The following TMEM192 variants were observed in gnomAD, a reference collection of about 807,000 sequenced individuals.
TMEM192 encodes the protein transmembrane protein 192.
Under a neutral mutation model 26.7 loss-of-function variants are expected in TMEM192, and 20 were observed. That is an observed-to-expected ratio of 0.75 (90% CI 0.53 to 1.09). The LOEUF (loss-of-function observed/expected upper bound fraction) is 1.09. Among genes scored for constraint, TMEM192 ranks in the 50% least tolerant of loss-of-function variants. The probability of loss-of-function intolerance (pLI) is 0.00; values close to 1 mark genes in which losing one functional copy is unlikely to be tolerated. For missense variants in TMEM192, 304 were observed against 322.6 expected, an observed-to-expected ratio of 0.94 and a Z score of 0.44; for synonymous variants, 124 against 121.0, an observed-to-expected ratio of 1.02 and a Z score of -0.16.
At position 165,097,493 on chromosome 4, in the gene TMEM192, CA is replaced by C. The variant is rs60822491; in HGVS notation, c.439+3134del. On this transcript the variant is annotated intron_variant, in intron 3 of 5. Transcript: ENST00000306480. ...TGGGTGACAGAGCGAGACTCCATCT[CA>C]AAAAAAAAAAAAAAAAGAAAAAAGA... Among the ~76,000 whole-genome samples, 75 of 59,012 alleles carry C rather than the reference CA, an allele frequency of 1.3e-3. No individual in the cohort carries two copies. In the East Asian group the frequency reaches 0.013, roughly 10 times the overall value. The allele number at this position is 59,012 out of a possible 152,430, so 38.7% of individuals were successfully genotyped here.
intron 3 of TMEM192, among the ~76,000 whole-genome samples, chr4:165,090,743 A>G (rs1159231070): frequency 6.6e-6 from 1 of 151,700 alleles, no homozygotes; most frequent in African/African-American, 2.4e-5. Context: ...TGTCTCCACT[A>G]AAAATACAAA....
chr4:165,112,243 C>T (rs1279525051), intron 1 of TMEM192, among the ~76,000 whole-genome samples: 1 of 152,212 alleles, frequency 6.6e-6, no homozygotes, highest in African/African-American at 2.4e-5. Context: ...CGCTGGCGCC[C>T]GGCCCGAGCG....
rs753092026 is a variant in TMEM192, at chr4:165,100,758, C to T, written c.309G>A (p.Leu103=). ...ATTCAAGGAGTAAATGGAGAATCCA[C>T]AAAATAACTTTCCCAAGGATTATAA... The part of the protein sequence containing the change: ...QTVIILGKVI[L]WILHLLLECY... Residue 103 remains leucine (L), a synonymous_variant, in exon 3 of 6, where the codon TTG becomes TTA. Transcript: ENST00000306480. 1.9e-6 allele frequency: 3 copies of T among 1,613,990 alleles called. No homozygotes were observed. The highest frequency in any genetic ancestry group is 2.2e-5 in the South Asian group (2 of 91,080).
At chr4:165,084,391 G>A (rs1458456061) in intron 5 of TMEM192, among the ~76,000 whole-genome samples, 5 of 151,360 alleles carry the variant, frequency 3.3e-5, no homozygotes, top group Admixed American at 6.6e-5. Context: ...TAGAGATGGG[G>A]TTTCATCATG....
In TMEM192 at chr4:165,073,420, T is replaced by G. The variant is rs1734310346; in HGVS notation, c.*6238A>C. ...TCGATTAACCAGGGACACAATGCAC[T>G]GCGGAAAGCCGCAGGGACCTCTGCC... On this transcript the variant is annotated 3_prime_UTR_variant, in exon 6 of 6. Coordinates refer to ENST00000306480, the MANE Select transcript of TMEM192 (RefSeq NM_001100389.2). 6.6e-6 allele frequency: 1 copy of G among 152,246 alleles called. No individual in the cohort carries two copies. Among genetic ancestry groups the G allele is most frequent in the South Asian group, 2.1e-4 (1 of 4,830 alleles). 9.4% of individuals were successfully genotyped at this position (152,246 alleles called of 1,614,324 possible).
chr4:165,079,889 A>G lies in TMEM192; in HGVS notation c.678-93T>C. The G allele has an allele frequency of 8.7e-6, 11 of 1,266,130 alleles. No homozygotes were observed. In the South Asian group the frequency reaches 9.4e-5, roughly 11 times the overall value. 78.4% of individuals were successfully genotyped at this position (1,266,130 alleles called of 1,614,324 possible). ...AGTACCTACTAGTTTTTAGTAAAGC[A>G]TATTGTATTTGCCACCTTTTCTTAG... On this transcript the variant is annotated intron_variant, in intron 5 of 5. Transcript: ENST00000306480.
intron 1 of TMEM192, among the ~76,000 whole-genome samples, chr4:165,107,075 A>G (rs565948530): frequency 6.6e-6 from 1 of 150,458 alleles, no homozygotes; most frequent in Non-Finnish European, 1.5e-5. Context: ...CCCAGGCTGG[A>G]GTGCAATGGC....
intron 1 of TMEM192, among the ~76,000 whole-genome samples, chr4:165,106,475 T>C (rs1735160930): frequency 6.6e-6 from 1 of 152,200 alleles, no homozygotes; most frequent in Non-Finnish European, 1.5e-5. Context: ...AGCCAAACAT[T>C]TGAGTCAGTG....
intron 3 of TMEM192, among the ~76,000 whole-genome samples, chr4:165,099,766 G>C (rs1173046965): frequency 1.3e-5 from 2 of 152,092 alleles, no homozygotes; most frequent in Admixed American, 1.3e-4. Context: ...GCAACATGGT[G>C]AGAACCTGCT....
chr4:165,101,793 G>A (rs191517199), intron 2 of TMEM192, among the ~76,000 whole-genome samples: 1 of 152,200 alleles, frequency 6.6e-6, no homozygotes, highest in Admixed American at 6.6e-5. Flanking sequence ...ATTCAGTTCT[G>A]AACTCAAGTC....
At chr4:165,094,464 C>T (rs570470006) in intron 3 of TMEM192, among the ~76,000 whole-genome samples, 16 of 152,250 alleles carry the variant, frequency 1.1e-4, no homozygotes, top group Admixed American at 2.6e-4. Flanking sequence ...TCAAGACCAG[C>T]CTGACCAACA....
chr4:165,088,058 C>G (rs999151829), intron 4 of TMEM192, among the ~76,000 whole-genome samples: 1 of 152,054 alleles, frequency 6.6e-6, no homozygotes, highest in African/African-American at 2.4e-5. Context: ...CACATTTGTG[C>G]ACCACCATAC....
intron 5 of TMEM192, among the ~76,000 whole-genome samples, chr4:165,084,861 T>G (rs1334348600): frequency 6.6e-6 from 1 of 152,092 alleles, no homozygotes; most frequent in Non-Finnish European, 1.5e-5. Flanking sequence ...AGGGAGAGAC[T>G]GGATAGAAAC....
Position 165,089,067 on chromosome 4 carries a change from G to T in TMEM192, c.440-465C>A, listed in dbSNP as rs529444621. ...AAAAAAAAAAAAAAAAAAAAAAAAA[G>T]GAAAAGAAATGAAAGACCCAGAGAA... is the stretch of plus-strand genomic sequence containing the variant. On this transcript the variant is annotated intron_variant, in intron 3 of 5. Coordinates refer to ENST00000306480, the MANE Select transcript of TMEM192 (RefSeq NM_001100389.2). Among the ~76,000 whole-genome samples the T allele has an allele frequency of 3.6e-3, 457 of 126,628 alleles. 1 individual carries two copies. Among genetic ancestry groups the T allele is most frequent in the Non-Finnish European group, 5.6e-3 (331 of 59,326 alleles). 83.1% of individuals were successfully genotyped at this position (126,628 alleles called of 152,430 possible).
At chr4:165,088,353 G>T (rs1734674256) in intron 4 of TMEM192, 115 bp downstream of exon 4, 2 of 958,222 alleles carry the variant, frequency 2.1e-6, no homozygotes, top group African/African-American at 1.7e-5. Context: ...GTCTGCATGT[G>T]GTCACCACTC....
At chr4:165,111,380 C>T (rs1735289580) in intron 1 of TMEM192, among the ~76,000 whole-genome samples, 1 of 152,236 alleles carries the variant, frequency 6.6e-6, no homozygotes, top group Non-Finnish European at 1.5e-5. Flanking sequence ...AGGCATGAGC[C>T]TCCCAGACCA....
chr4:165,101,650 G>A (rs115712682), intron 2 of TMEM192, among the ~76,000 whole-genome samples: 51 of 152,282 alleles, frequency 3.3e-4, no homozygotes, highest in African/African-American at 1.2e-3. Context: ...GAAACCACAA[G>A]GCCACCCCTG....
In TMEM192 at chr4:165,074,323, T is replaced by C. The variant is rs146095625; in HGVS notation, c.*5335A>G. ...TTCCCTGGTTTGCGAATGAAACAAT[T>C]TTCCTTAGGAAACCTAGAGAATGTT... is the stretch of plus-strand genomic sequence containing the variant. On this transcript the variant is annotated 3_prime_UTR_variant, in exon 6 of 6. Coordinates refer to ENST00000306480, the MANE Select transcript of TMEM192 (RefSeq NM_001100389.2). 18 of 152,270 alleles carry C rather than the reference T, an allele frequency of 1.2e-4. No individual in the cohort carries two copies. Among genetic ancestry groups the C allele is most frequent in the African/African-American group, 4.1e-4 (17 of 41,562 alleles). 9.4% of individuals were successfully genotyped at this position (152,270 alleles called of 1,614,324 possible). A position where few individuals can be genotyped will look rare whatever the true frequency, so the allele number is the denominator to read the frequency against.
At chr4:165,090,451 C>G (rs1267014694) in intron 3 of TMEM192, among the ~76,000 whole-genome samples, 1 of 151,954 alleles carries the variant, frequency 6.6e-6, no homozygotes, top group African/African-American at 2.4e-5. Flanking sequence ...GTGGTGCACC[C>G]CAACTCCACG....
Sources: gnomAD v4.1 joint callset for allele counts (sites outside exome capture counted in the v4.1 genomes callset) on GRCh38, gnomAD v4.1.1 for gene constraint, MANE v1.5 for transcripts, NCBI Gene and HGNC (gene_info 2026-07-23, HGNC 2026-07-21) for gene names.